Variants in GLYATL2 observed in about 807,000 individuals in gnomAD.
The protein encoded by GLYATL2 is glycine N-acyltransferase-like protein 2.
In GLYATL2, 25 loss-of-function variants were observed where a neutral mutation model predicts 21.4. The observed-to-expected ratio is 1.17, with a 90% CI of 0.85 to 1.63. The LOEUF (loss-of-function observed/expected upper bound fraction) is 1.63, where lower values mean the gene tolerates loss of function less well. Ranked by LOEUF, GLYATL2 falls within the 40% of genes most tolerant of loss-of-function variation. The pLI is 0.00. For synonymous variants in GLYATL2, 114 were observed against 118.2 expected, an observed-to-expected ratio of 0.96 and a Z score of 0.23; for missense variants, 361 against 343.3, an observed-to-expected ratio of 1.05 and a Z score of -0.41.
At chr11:58,884,006 A>C (rs2134615062) in intron 1 of GLYATL2, among the ~76,000 whole-genome samples, 1 of 152,358 alleles carries the variant, frequency 6.6e-6, no homozygotes, top group Non-Finnish European at 1.5e-5. Flanking sequence ...AGCCTTCGAC[A>C]AAATTCAACA....
At chr11:58,891,838 G>A (rs1328427771) in intron 1 of GLYATL2, among the ~76,000 whole-genome samples, 1 of 152,162 alleles carries the variant, frequency 6.6e-6, no homozygotes, top group Non-Finnish European at 1.5e-5. Context: ...AGCAATTGTT[G>A]CAATCTTGAT....
chr11:58,870,083 G>T (rs1854091009), intron 1 of GLYATL2, among the ~76,000 whole-genome samples: 1 of 152,088 alleles, frequency 6.6e-6, no homozygotes, highest in Admixed American at 6.6e-5. Context: ...ACTCTAGCCT[G>T]GGTGACAGAG....
At chr11:58,860,656 G>A (rs1422001683) in intron 1 of GLYATL2, among the ~76,000 whole-genome samples, 2 of 151,920 alleles carry the variant, frequency 1.3e-5, no homozygotes, top group African/African-American at 4.8e-5. Flanking sequence ...AAGTCGTGAG[G>A]GTGAGCATCC....
Position 58,839,662 on chromosome 11 carries a change from T to C in GLYATL2, c.-40-10A>G, listed in dbSNP as rs746220511. 1.4e-6 allele frequency: 2 copies of C among 1,410,574 alleles called. No individual in the cohort carries two copies. Among genetic ancestry groups the C allele is most frequent in the Non-Finnish European group, 2.0e-6 (2 of 1,013,874 alleles). The allele number at this position is 1,410,574 out of a possible 1,614,324, so 87.4% of individuals were successfully genotyped here. On this transcript the variant is annotated splice_polypyrimidine_tract_variant and intron_variant, in intron 1 of 5. Coordinates refer to ENST00000287275, the MANE Select transcript of GLYATL2 (RefSeq NM_145016.4). ...CCCTCAAGAAGATGATCTAAGGAAA[T>C]AAACACAAAAACAAAAATACCTAGA...
chr11:58,900,875 G>A (rs1565112041), intron 1 of GLYATL2, among the ~76,000 whole-genome samples: 2 of 140,132 alleles, frequency 1.4e-5, no homozygotes. Context: ...GAATCTTCGA[G>A]TCCAAGAACG....
At chr11:58,898,625 G>A (rs184163019) in intron 1 of GLYATL2, among the ~76,000 whole-genome samples, 1 of 152,058 alleles carries the variant, frequency 6.6e-6, no homozygotes, top group Non-Finnish European at 1.5e-5. Context: ...ACGAAGGTCA[G>A]GAGATCGAGA....
chr11:58,852,249 AGGGGCTATTAGATAC>A (rs1186501798), intron 1 of GLYATL2, among the ~76,000 whole-genome samples: 11 of 152,172 alleles, frequency 7.2e-5, no homozygotes, highest in Non-Finnish European at 1.6e-4. Context: ...ATTCTGCAGT[AGGGGCTATTAGATAC>A]CCAACCCCAT....
chr11:58,890,878 A>G (rs907173309), intron 1 of GLYATL2, among the ~76,000 whole-genome samples: 1 of 151,678 alleles, frequency 6.6e-6, no homozygotes, highest in East Asian at 1.9e-4. Flanking sequence ...CTCTTTTGCC[A>G]TTTAAAAATG....
chr11:58,837,376 G>T lies in GLYATL2; in HGVS notation c.208C>A (p.His70Asn). 6.2e-7 allele frequency: 1 copy of T among 1,613,050 alleles called. No homozygotes were observed. The highest frequency in any genetic ancestry group is 2.2e-5 in the East Asian group (1 of 44,854). The change falls in exon 4 of 6, where the codon CAT becomes AAT. Residue 70 changes from histidine (H) to asparagine (N), a missense_variant. By Grantham distance (68) the His-to-Asn change is moderately conservative. Coordinates refer to ENST00000287275, the MANE Select transcript of GLYATL2 (RefSeq NM_145016.4). The stretch of plus-strand genomic sequence containing the variant: ...AAGATGTGGTAAGTGTTGGTATAAT[G>T]ATCCTGGTCATCTTTCATCTCCTGA... ...QKQEMKDDQDHYTNTYHIFTK... is the reference protein window; with the variant it reads ...QKQEMKDDQDNYTNTYHIFTK...
At position 58,879,629 on chromosome 11, in the gene GLYATL2, A is replaced by ACTT. The variant is rs574663573; in HGVS notation, n.60+24526_60+24527insAAG. ...TTTATATTAAGTACCTAGAATAGGCAAATTCCTAGAGTCATAAAGTAAAAT... is the reference window on the plus strand; with the variant it reads ...TTTATATTAAGTACCTAGAATAGGCACTTAATTCCTAGAGTCATAAAGTAAAAT... On this transcript the variant is annotated intron_variant and non_coding_transcript_variant, in intron 1 of 4. Transcript: ENST00000533636. Among the ~76,000 whole-genome samples the ACTT allele has an allele frequency of 1.1e-4, 16 of 152,334 alleles. No individual in the cohort carries two copies. In the South Asian group the frequency reaches 2.9e-3, roughly 28 times the overall value.
rs1223794568 is a variant in GLYATL2 at position 58,897,123 on chromosome 11, C to G, written n.60+7033G>C. On this transcript the variant is annotated intron_variant and non_coding_transcript_variant, in intron 1 of 4. Transcript: ENST00000533636. ...TTCCTTTTACCTTCAGTAAAGGCATCCACTTGGGAGAATGGACAGCACTAA... is the reference window on the plus strand; with the variant it reads ...TTCCTTTTACCTTCAGTAAAGGCATGCACTTGGGAGAATGGACAGCACTAA... 3.9e-5 allele frequency among the ~76,000 whole-genome samples: 6 copies of G among 152,210 alleles called. No homozygotes were observed. In the East Asian group the frequency reaches 9.6e-4, roughly 24 times the overall value.
chr11:58,891,072 T>G (rs1854535663), intron 1 of GLYATL2, among the ~76,000 whole-genome samples: 1 of 152,192 alleles, frequency 6.6e-6, no homozygotes, highest in South Asian at 2.1e-4. Context: ...TTTTAAAACA[T>G]CTACTCTTTT....
At chr11:58,859,935 G>C (rs1853901643) in intron 1 of GLYATL2, among the ~76,000 whole-genome samples, 1 of 152,030 alleles carries the variant, frequency 6.6e-6, no homozygotes, top group African/African-American at 2.4e-5. Flanking sequence ...TTAAATGCAT[G>C]GATTTATTTC....
At chr11:58,882,775 G>T (rs1008286753) in intron 1 of GLYATL2, among the ~76,000 whole-genome samples, 6 of 152,168 alleles carry the variant, frequency 3.9e-5, no homozygotes, top group Non-Finnish European at 7.4e-5. Flanking sequence ...GTAAGGAAGG[G>T]ATCCAGTTTC....
At position 58,834,809 on chromosome 11, in the gene GLYATL2, C is replaced by A; in HGVS notation, c.505G>T (p.Asp169Tyr). ...KEGNFSNMFL[D>Y]ASHAGLVNEH... is the part of the protein sequence containing the mutation. Reference sequence around the variant, plus strand: ...TTCACAAGACCTGCATGTGAAGCATCTAAGAACATGTTTGAAAAGTTTCCT... The same window carrying A: ...TTCACAAGACCTGCATGTGAAGCATATAAGAACATGTTTGAAAAGTTTCCT... Residue 169 changes from aspartate (D) to tyrosine (Y), a missense_variant, in exon 6 of 6, where the codon GAT becomes TAT. Asp to Tyr is a radical substitution (Grantham distance 160, BLOSUM62 -3). Transcript: ENST00000287275. The A allele has an allele frequency of 1.2e-6, 2 of 1,600,146 alleles. No homozygotes were observed. Among genetic ancestry groups the A allele is most frequent in the Non-Finnish European group, 1.7e-6 (2 of 1,174,746 alleles).
At chr11:58,884,225 C>G (rs1854395593) in intron 1 of GLYATL2, among the ~76,000 whole-genome samples, 1 of 152,080 alleles carries the variant, frequency 6.6e-6, no homozygotes, top group Non-Finnish European at 1.5e-5. Flanking sequence ...GACAGTCAGG[C>G]AGGAGAAAGA....
At chr11:58,907,285 C>G (rs1275425051), upstream of GLYATL2, 5 of 456,174 alleles carry the variant, frequency 1.1e-5, no homozygotes, top group South Asian at 6.2e-5. Context: ...TCACCTTGGT[C>G]TCTCAGCTTT....
At chr11:58,886,945 C>G (rs971100931) in intron 1 of GLYATL2, among the ~76,000 whole-genome samples, 1 of 152,222 alleles carries the variant, frequency 6.6e-6, no homozygotes, top group Non-Finnish European at 1.5e-5. Flanking sequence ...CTGAGCCTAA[C>G]ACCTTCCCTA....
rs143781368 is a variant in GLYATL2, at chr11:58,834,098, G to A, written c.*331C>T. The A allele has an allele frequency of 2.9e-4, 52 of 177,028 alleles. No homozygotes were observed. Among genetic ancestry groups the A allele is most frequent in the African/African-American group, 1.1e-3 (48 of 42,514 alleles). 11.0% of individuals were successfully genotyped at this position (177,028 alleles called of 1,614,324 possible). A position where few individuals can be genotyped will look rare whatever the true frequency, so the allele number is the denominator to read the frequency against. On this transcript the variant is annotated 3_prime_UTR_variant, in exon 6 of 6. Coordinates refer to ENST00000287275, the MANE Select transcript of GLYATL2 (RefSeq NM_145016.4). ...GCAGACTTTTTATTTTAACAAGAAAGTCATAAAAGTGAATTTTTTCATGAA... is the reference window on the plus strand; with the variant it reads ...GCAGACTTTTTATTTTAACAAGAAAATCATAAAAGTGAATTTTTTCATGAA...
Sources: allele counts gnomAD v4.1 joint callset (sites outside exome capture counted in the v4.1 genomes callset), GRCh38; gene constraint gnomAD v4.1.1; transcripts MANE v1.5; gene names NCBI Gene and HGNC (gene_info 2026-07-23, HGNC 2026-07-21).